The following PAFAH1B1 variants were observed in gnomAD, a reference collection of about 807,000 sequenced individuals.
PAFAH1B1 encodes the protein platelet activating factor acetylhydrolase 1b regulatory subunit 1, also known as platelet-activating factor acetylhydrolase IB subunit beta.
PAFAH1B1 carries 2 observed loss-of-function variants against 57.5 expected under a neutral mutation model. The observed-to-expected ratio is 0.03, with a 90% CI of 0.01 to 0.11. PAFAH1B1 has a LOEUF of 0.11. PAFAH1B1 is among the 10% of genes least tolerant of loss of function. PAFAH1B1 has a pLI of 1.00. For missense variants in PAFAH1B1, 257 were observed against 512.0 expected, an observed-to-expected ratio of 0.50 and a Z score of 4.81; for synonymous variants, 152 against 169.6, an observed-to-expected ratio of 0.90 and a Z score of 0.81.
chr17:2,629,999 A>C (rs1567536384), intron 1 of PAFAH1B1, among the ~76,000 whole-genome samples: 1 of 152,136 alleles, frequency 6.6e-6, no homozygotes, highest in Non-Finnish European at 1.5e-5. Flanking sequence ...GAGTCTCCTG[A>C]ACAGGAGGCT....
At chr17:2,649,107 A>T (rs1327551072) in intron 2 of PAFAH1B1, among the ~76,000 whole-genome samples, 1 of 150,062 alleles carries the variant, frequency 6.7e-6, no homozygotes, top group African/African-American at 2.5e-5. Flanking sequence ...GCACTTTGGG[A>T]TGTCGAGGCT....
At chr17:2,625,508 A>G (rs2068477898) in intron 1 of PAFAH1B1, among the ~76,000 whole-genome samples, 1 of 152,232 alleles carries the variant, frequency 6.6e-6, no homozygotes, top group Admixed American at 6.5e-5. Flanking sequence ...AAAAAGGTTA[A>G]GAACTTCTAT....
chr17:2,611,970 G>A (rs559813599), intron 1 of PAFAH1B1, among the ~76,000 whole-genome samples: 24 of 152,120 alleles, frequency 1.6e-4, no homozygotes, highest in Non-Finnish European at 2.1e-4. Flanking sequence ...AACTAAACCC[G>A]CAAGTTCTGC....
At chr17:2,671,765 GCTAA>G (rs1373778058) in intron 6 of PAFAH1B1, among the ~76,000 whole-genome samples, 1 of 151,328 alleles carries the variant, frequency 6.6e-6, no homozygotes, top group East Asian at 2.0e-4. Flanking sequence ...ACCACACCCG[GCTAA>G]CTTTTTTATT....
At chr17:2,630,801 A>G (rs992671720) in intron 1 of PAFAH1B1, among the ~76,000 whole-genome samples, 6 of 151,794 alleles carry the variant, frequency 4.0e-5, no homozygotes, top group Middle Eastern at 3.2e-3. Context: ...CTTTGTTCAT[A>G]TTTTCTTATT....
At chr17:2,600,049 A>G (rs971343431) in intron 1 of PAFAH1B1, among the ~76,000 whole-genome samples, 8 of 132,820 alleles carry the variant, frequency 6.0e-5, no homozygotes, top group Non-Finnish European at 9.1e-5. Context: ...TCTCGATCTC[A>G]GCTCACTGCA....
In PAFAH1B1 at chr17:2,681,899, C is replaced by T. The variant is rs1597582421; in HGVS notation, c.*97C>T. On this transcript the variant is annotated 3_prime_UTR_variant, in exon 11 of 11. Transcript: ENST00000397195. ...GAGCTCTGTTTAAATAAATATTGTC[C>T]TTTCATGTAAATTATTCTGGATGTA... 2 of 834,954 alleles carry T rather than the reference C, an allele frequency of 2.4e-6. No homozygotes were observed. The highest frequency in any genetic ancestry group is 2.7e-5 in the East Asian group (1 of 37,604). 51.7% of individuals were successfully genotyped at this position (834,954 alleles called of 1,614,324 possible).
At chr17:2,646,694 G>A (rs991790393) in intron 2 of PAFAH1B1, among the ~76,000 whole-genome samples, 1 of 152,076 alleles carries the variant, frequency 6.6e-6, no homozygotes, top group African/African-American at 2.4e-5. Context: ...AATGACCTGG[G>A]TGCTTTTTCT....
At chr17:2,617,171 A>G (rs1446858633) in intron 1 of PAFAH1B1, among the ~76,000 whole-genome samples, 2 of 152,222 alleles carry the variant, frequency 1.3e-5, no homozygotes, top group African/African-American at 4.8e-5. Flanking sequence ...CAAAGCCCCA[A>G]AACTATTTCT....
intron 1 of PAFAH1B1, among the ~76,000 whole-genome samples, chr17:2,618,483 C>G (rs1056596914): frequency 6.6e-6 from 1 of 151,966 alleles, no homozygotes; most frequent in Non-Finnish European, 1.5e-5. Context: ...GTTACTCTTA[C>G]GGAGTATTTT....
At chr17:2,654,077 G>A (rs1300431875) in intron 2 of PAFAH1B1, among the ~76,000 whole-genome samples, 1 of 152,114 alleles carries the variant, frequency 6.6e-6, no homozygotes, top group Admixed American at 6.6e-5. Context: ...AAAGTGCTGG[G>A]ATTACAGGCG....
intron 1 of PAFAH1B1, chr17:2,613,532 G>T (rs935331535): frequency 4.2e-5 from 11 of 262,870 alleles, no homozygotes; most frequent in Non-Finnish European, 8.4e-5. Context: ...GGCCACCTGG[G>T]CCTGGGTCTT....
At chr17:2,647,919 G>C (rs1050007327) in intron 2 of PAFAH1B1, among the ~76,000 whole-genome samples, 18 of 151,902 alleles carry the variant, frequency 1.2e-4, no homozygotes, top group Admixed American at 1.1e-3. Flanking sequence ...CAGGAGAATG[G>C]GGTGAACCCG....
In PAFAH1B1 at chr17:2,680,241, G is replaced by A. The variant is rs1195364379; in HGVS notation, c.1080G>A (p.Lys360=). The part of the protein sequence containing the change: ...GKFILSCADD[K]TLRVWDYKNK... ...TTATTTTGAGTTGTGCTGATGACAA[G>A]ACCCTACGCGTATGGGATTACAAGA... Residue 360 remains lysine, a synonymous_variant, in exon 10 of 11, where the codon AAG becomes AAA. Coordinates refer to ENST00000397195, the MANE Select transcript of PAFAH1B1 (RefSeq NM_000430.4). 1.2e-5 allele frequency: 19 copies of A among 1,613,358 alleles called. No homozygotes were observed. Among genetic ancestry groups the A allele is most frequent in the Non-Finnish European group, 1.6e-5 (19 of 1,179,444 alleles).
chr17:2,605,749 CTCT>C (rs1378198988), intron 1 of PAFAH1B1, among the ~76,000 whole-genome samples: 18 of 152,070 alleles, frequency 1.2e-4, no homozygotes, highest in South Asian at 4.1e-4. Flanking sequence ...ACCTATTTTT[CTCT>C]TCTTCTAGCG....
At chr17:2,672,282 T>TTA (rs2069194476) in intron 6 of PAFAH1B1, among the ~76,000 whole-genome samples, 1 of 15,192 alleles carries the variant, frequency 6.6e-5, no homozygotes, top group Admixed American at 1.1e-3. Context: ...AGTCCTTGCC[T>TTA]CACAAAAAAA....
At chr17:2,660,287 G>T (rs2068997306) in intron 2 of PAFAH1B1, among the ~76,000 whole-genome samples, 1 of 151,700 alleles carries the variant, frequency 6.6e-6, no homozygotes, top group Admixed American at 6.6e-5. Flanking sequence ...GAATGTGCAG[G>T]TTTGTTACAT....
At chr17:2,602,225 T>C (rs2068151860) in intron 1 of PAFAH1B1, among the ~76,000 whole-genome samples, 1 of 151,632 alleles carries the variant, frequency 6.6e-6, no homozygotes, top group Non-Finnish European at 1.5e-5. Context: ...TGGTATGTCC[T>C]TAAAGAGAAA....
intron 1 of PAFAH1B1, among the ~76,000 whole-genome samples, chr17:2,616,129 T>C (rs2068337546): frequency 6.6e-6 from 1 of 152,198 alleles, no homozygotes; most frequent in Non-Finnish European, 1.5e-5. Flanking sequence ...AGCAGTTTAT[T>C]ACATTTGATA....
Sources: gnomAD v4.1 joint callset for allele counts (sites outside exome capture counted in the v4.1 genomes callset) on GRCh38, gnomAD v4.1.1 for gene constraint, MANE v1.5 for transcripts, NCBI Gene and HGNC (gene_info 2026-07-23, HGNC 2026-07-21) for gene names.